The following MRTFB variants were observed in gnomAD, a reference collection of about 807,000 sequenced individuals.
MRTFB encodes the protein myocardin related transcription factor B.
In MRTFB, 29 loss-of-function variants were observed where a neutral mutation model predicts 104.2. The ratio of observed to expected loss-of-function variants is 0.28; its 90% confidence interval spans 0.21 to 0.38. The LOEUF (loss-of-function observed/expected upper bound fraction) is 0.38, where lower values mean the gene tolerates loss of function less well. Ranked by LOEUF, MRTFB falls within the 10% of genes least tolerant of loss-of-function variation. MRTFB has a pLI of 1.00. For synonymous variants in MRTFB, 535 were observed against 519.5 expected (o/e 1.03, Z -0.41); for missense variants, 1,270 against 1,341.6 (o/e 0.95, Z 0.83).
intron 3 of MRTFB, among the ~76,000 whole-genome samples, chr16:14,197,476 G>T (rs376446542): frequency 6.6e-6 from 1 of 151,920 alleles, no homozygotes; most frequent in African/African-American, 2.4e-5. Flanking sequence ...CCAAATTCCC[G>T]CAATGAAGTG....
At chr16:14,251,834 T>C (rs1251854471) in intron 13 of MRTFB, 28 bp from the exon 14 acceptor site, 5 of 1,607,888 alleles carry the variant, frequency 3.1e-6, no homozygotes, top group Non-Finnish European at 4.2e-6. Flanking sequence ...AAAGAACAAA[T>C]TAATGGAGAA....
At chr16:14,085,776 A>G (rs2034670776) in intron 2 of MRTFB, among the ~76,000 whole-genome samples, 2 of 152,196 alleles carry the variant, frequency 1.3e-5, no homozygotes, top group African/African-American at 4.8e-5. Context: ...GAAAACTAGC[A>G]TCTGTGATTT....
the MRTFB span, among the ~76,000 whole-genome samples, chr16:14,025,327 C>T: frequency 5.9e-5 from 9 of 152,142 alleles, no homozygotes; most frequent in Non-Finnish European, 8.8e-5. Flanking sequence ...ACAATAGGCA[C>T]GCACCACCAA....
chr16:14,212,435 C>T, intron 5 of MRTFB, 26 bp downstream of exon 5: 3 of 1,602,918 alleles, frequency 1.9e-6, no homozygotes, highest in Non-Finnish European at 1.7e-6. Flanking sequence ...TTAAAATGTT[C>T]TACTTCTCTC....
the MRTFB span, among the ~76,000 whole-genome samples, chr16:14,017,687 G>GTGTGTATATA: frequency 2.9e-4 from 2 of 6,808 alleles, no homozygotes; most frequent in Admixed American, 3.1e-3. Context: ...GTGTGTGTGT[G>GTGTGTATATA]TATATATATA....
chr16:14,186,853 G>A (rs890717232), intron 3 of MRTFB: 12 of 1,596,026 alleles, frequency 7.5e-6, no homozygotes, highest in East Asian at 4.5e-5. Flanking sequence ...ACCGCACTTC[G>A]CTCTTCTGCA....
chr16:14,214,294 T>C (rs1040223912), intron 6 of MRTFB, among the ~76,000 whole-genome samples: 1 of 152,190 alleles, frequency 6.6e-6, no homozygotes, highest in Non-Finnish European at 1.5e-5. Context: ...CCAACGAATT[T>C]ATTAAGACTA....
At chr16:14,241,834 C>T (rs941121724) in intron 10 of MRTFB, among the ~76,000 whole-genome samples, 1 of 152,010 alleles carries the variant, frequency 6.6e-6, no homozygotes, top group Non-Finnish European at 1.5e-5. Context: ...GAGCTATTGA[C>T]ATTGGAAGGG....
chr16:14,023,610 C>CACACACAT, the MRTFB span, among the ~76,000 whole-genome samples: 4 of 106,912 alleles, frequency 3.7e-5, no homozygotes, highest in African/African-American at 1.5e-4. Flanking sequence ...CACACACACA[C>CACACACAT]ATACATATAC....
chr16:14,095,869 C>A (rs1041677816), intron 2 of MRTFB, among the ~76,000 whole-genome samples: 1 of 151,972 alleles, frequency 6.6e-6, no homozygotes, highest in Non-Finnish European at 1.5e-5. Flanking sequence ...TATTTACAAA[C>A]TGTACTGAAT....
chr16:14,128,704 C>G (rs2037285026), intron 2 of MRTFB, among the ~76,000 whole-genome samples: 1 of 152,160 alleles, frequency 6.6e-6, no homozygotes, highest in African/African-American at 2.4e-5. Context: ...TATGAATGTA[C>G]AACAATTTAA....
chr16:14,232,459 G>A (rs1359543016), intron 8 of MRTFB, among the ~76,000 whole-genome samples: 3 of 152,196 alleles, frequency 2.0e-5, no homozygotes, highest in Admixed American at 6.5e-5. Context: ...GGCTCTTTGC[G>A]GGCAGAAGTC....
At chr16:14,107,166 G>A (rs1052187574) in intron 2 of MRTFB, among the ~76,000 whole-genome samples, 1 of 152,210 alleles carries the variant, frequency 6.6e-6, no homozygotes, top group East Asian at 1.9e-4. Flanking sequence ...AACCTGAGAG[G>A]TGGAGATTAC....
chr16:14,218,806 ATTTC>A lies in MRTFB; in HGVS notation c.515-6_515-3del. On this transcript the variant is annotated splice_polypyrimidine_tract_variant and intron_variant, in intron 7 of 16. Coordinates refer to ENST00000571589, the MANE Select transcript of MRTFB (RefSeq NM_001308142.2). ...GCCAACATAAGTCAAGTCAAAAATC[ATTTC>A]TTTCTTTAGGCGTTGGGAAGGAGGA... 1 of 1,574,902 alleles carries A rather than the reference ATTTC, an allele frequency of 6.3e-7. No homozygotes were observed. The highest frequency in any genetic ancestry group is 8.7e-7 in the Non-Finnish European group (1 of 1,154,512).
At chr16:14,086,285 A>T (rs1464632612) in intron 2 of MRTFB, among the ~76,000 whole-genome samples, 1 of 152,206 alleles carries the variant, frequency 6.6e-6, no homozygotes, top group South Asian at 2.1e-4. Flanking sequence ...AATAGATTCA[A>T]GTAGTGTTTT....
intron 15 of MRTFB, among the ~76,000 whole-genome samples, chr16:14,257,527 C>T (rs1416010300): frequency 1.3e-5 from 2 of 151,926 alleles, no homozygotes; most frequent in African/African-American, 4.8e-5. Flanking sequence ...AGTATGAATC[C>T]ATTCATATAA....
intron 8 of MRTFB, among the ~76,000 whole-genome samples, chr16:14,229,707 G>C (rs1314958016): frequency 1.3e-5 from 2 of 152,006 alleles, no homozygotes; most frequent in Non-Finnish European, 2.9e-5. Context: ...GCCATTTCTA[G>C]TAGGAGAAAA....
chr16:14,253,034 T>TTC (rs2043318219), intron 15 of MRTFB, among the ~76,000 whole-genome samples: 1 of 152,128 alleles, frequency 6.6e-6, no homozygotes, highest in African/African-American at 2.4e-5. Context: ...AGATCTGAGG[T>TTC]TCTCCTGGTT....
chr16:14,254,294 G>A (rs1202372644), intron 15 of MRTFB, among the ~76,000 whole-genome samples: 1 of 152,232 alleles, frequency 6.6e-6, no homozygotes, highest in African/African-American at 2.4e-5. Context: ...AGCTATTAAT[G>A]TGGGTCATAA....
Sources: allele counts gnomAD v4.1 joint callset (sites outside exome capture counted in the v4.1 genomes callset), GRCh38; gene constraint gnomAD v4.1.1; transcripts MANE v1.5; gene names NCBI Gene and HGNC (gene_info 2026-07-23, HGNC 2026-07-21).